EEF1AKMT2: variants seen among roughly 807,000 people sequenced by gnomAD.
EEF1AKMT2 encodes EEF1A lysine methyltransferase 2, also known as eukaryotic translation elongation factor 1 alpha lysine methyltransferase 2.
A neutral mutation model predicts 35.8 loss-of-function variants in EEF1AKMT2; 32 were observed. The ratio of observed to expected loss-of-function variants is 0.89; its 90% CI spans 0.67 to 1.20. The LOEUF (loss-of-function observed/expected upper bound fraction) is 1.20, where lower values mean the gene tolerates loss of function less well. Among genes scored for constraint, EEF1AKMT2 ranks in the 50% most tolerant of loss-of-function variants. EEF1AKMT2 has a pLI of 0.00. For missense variants in EEF1AKMT2, 330 were observed against 347.5 expected (o/e 0.95, Z 0.40); for synonymous variants, 121 against 133.7 (o/e 0.91, Z 0.65).
intron 3 of EEF1AKMT2, chr10:124,775,042 A>G (rs1247826752): frequency 1.7e-5 from 3 of 178,332 alleles, no homozygotes; most frequent in Non-Finnish European, 3.5e-5. Flanking sequence ...TAATGAAAAT[A>G]TATGTATAAG....
Position 124,791,660 on chromosome 10 carries a change from T to C in EEF1AKMT2, c.110+64A>G. On this transcript the variant is annotated intron_variant, in intron 1 of 6. Transcript: ENST00000368836. ...TGAGCCCCGGGTCTCCACCCCGCCG[T>C]CCCCTTCTCGGGGCCCAGGCAGGGC... The C allele has an allele frequency of 2.6e-6, 4 of 1,536,986 alleles. No individual in the cohort carries two copies. In the South Asian group the frequency reaches 4.8e-5, roughly 18 times the overall value.
intron 3 of EEF1AKMT2, among the ~76,000 whole-genome samples, chr10:124,781,590 C>CAA (rs1322054340): frequency 5.3e-4 from 13 of 24,718 alleles, no homozygotes. Context: ...GACTGTGTCT[C>CAA]AAAAAAAAAA....
chr10:124,762,507 G>A lies in EEF1AKMT2; in HGVS notation c.668C>T (p.Ala223Val), dbSNP rs1383732099. 7 of 1,286,142 alleles carry A rather than the reference G, an allele frequency of 5.4e-6. No homozygotes were observed. The Admixed American group carries it at 1.4e-4, about 26-fold the overall frequency. 79.7% of individuals were successfully genotyped at this position (1,286,142 alleles called of 1,614,324 possible). ...FWLTAALTSW[A>V]QAIFSTSASR... ...GGCTGAAGTGGAAAAGATCGCTTGAGCCCAGGAAGTCAAGGCTGCAGTGAG... is the reference window on the plus strand; with the variant it reads ...GGCTGAAGTGGAAAAGATCGCTTGAACCCAGGAAGTCAAGGCTGCAGTGAG... The change falls in exon 6 of 7, where the codon GCT becomes GTT. Residue 223 changes from alanine to valine, a missense_variant. Ala to Val is a moderately conservative substitution (Grantham distance 64, BLOSUM62 0). Transcript: ENST00000368836.
intron 3 of EEF1AKMT2, among the ~76,000 whole-genome samples, chr10:124,785,016 A>AG (rs1950572616): frequency 6.6e-6 from 1 of 151,662 alleles, no homozygotes; most frequent in South Asian, 2.1e-4. Context: ...TGGGGAGCCA[A>AG]GGGGGGAAAA....
chr10:124,773,694 G>A (rs1164264144), intron 4 of EEF1AKMT2, among the ~76,000 whole-genome samples: 1 of 152,094 alleles, frequency 6.6e-6, no homozygotes, highest in Non-Finnish European at 1.5e-5. Flanking sequence ...CACAGTTCAT[G>A]GCACGCCAAA....
intron 5 of EEF1AKMT2, among the ~76,000 whole-genome samples, chr10:124,763,318 GAA>G (rs1250299707): frequency 6.6e-6 from 1 of 152,046 alleles, no homozygotes; most frequent in Admixed American, 6.6e-5. Context: ...GGGTATCATG[GAA>G]AAAATGCAAG....
intron 5 of EEF1AKMT2, 41 bp from the exon 6 acceptor site, chr10:124,762,599 A>T: frequency 9.6e-7 from 1 of 1,040,052 alleles, no homozygotes; most frequent in Non-Finnish European, 1.2e-6. Context: ...CAAAAACAGA[A>T]ATAAAAATTA....
At position 124,760,317 on chromosome 10, in the gene EEF1AKMT2, C is replaced by T. The variant is rs976161502; in HGVS notation, c.*186G>A. ...TCAACATGTGCATCCTGTGTACTTA[C>T]TAAGCATTTATTTGCACAAGGATTT... On this transcript the variant is annotated 3_prime_UTR_variant, in exon 7 of 7. Transcript: ENST00000368836. The T allele has an allele frequency of 1.3e-6, 1 of 777,558 alleles. No homozygotes were observed. The highest frequency in any genetic ancestry group is 1.7e-5 in the African/African-American group (1 of 57,816). 48.2% of individuals were successfully genotyped at this position (777,558 alleles called of 1,614,324 possible). A position where few individuals can be genotyped will look rare whatever the true frequency, so the allele number is the denominator to read the frequency against.
chr10:124,783,028 T>C (rs1370443519), intron 3 of EEF1AKMT2: 2 of 388,954 alleles, frequency 5.1e-6, no homozygotes, highest in East Asian at 7.3e-5. Flanking sequence ...TGGAAAACAA[T>C]ATAACATGTA....
chr10:124,780,692 G>C (rs923264579), intron 3 of EEF1AKMT2, among the ~76,000 whole-genome samples: 2 of 151,000 alleles, frequency 1.3e-5, no homozygotes, highest in Admixed American at 6.6e-5. Context: ...AAAAAAAATA[G>C]AAAAAACAAA....
rs1459609409 is a variant in EEF1AKMT2, at chr10:124,774,387, A to G, written c.399+288T>C. On this transcript the variant is annotated intron_variant, in intron 4 of 6. Transcript: ENST00000368836. The stretch of plus-strand genomic sequence containing the variant: ...GAGACTCAGTCTCAAAAAAAAAAAA[A>G]AAAAAAAAAAAAAAAAAAAAAAACC... 2.8e-5 allele frequency among the ~76,000 whole-genome samples: 4 copies of G among 142,264 alleles called. 1 individual carries two copies. Among genetic ancestry groups the G allele is most frequent in the African/African-American group, 1.1e-4 (4 of 35,588 alleles). The allele number at this position is 142,264 out of a possible 152,430, so 93.3% of individuals were successfully genotyped here. A position where few individuals can be genotyped will look rare whatever the true frequency, so the allele number is the denominator to read the frequency against.
At chr10:124,787,792 C>T (rs1950600024) in intron 3 of EEF1AKMT2, among the ~76,000 whole-genome samples, 1 of 150,986 alleles carries the variant, frequency 6.6e-6, no homozygotes, top group Non-Finnish European at 1.5e-5. Flanking sequence ...AGGGGAATTT[C>T]TAGAGTTCTA....
chr10:124,761,561 AAAATCCTAGGTTC>A (rs1950331353), intron 6 of EEF1AKMT2, among the ~76,000 whole-genome samples: 2 of 152,218 alleles, frequency 1.3e-5, no homozygotes, highest in Non-Finnish European at 2.9e-5. Flanking sequence ...CTTGGCGTCT[AAAATCCTAGGTTC>A]AAATCCTAGG....
At chr10:124,791,272 G>A (rs1950631951) in intron 1 of EEF1AKMT2, among the ~76,000 whole-genome samples, 1 of 151,720 alleles carries the variant, frequency 6.6e-6, no homozygotes, top group African/African-American at 2.4e-5. Flanking sequence ...CCCCGCTCCC[G>A]CCTCGGGTCA....
intron 3 of EEF1AKMT2, among the ~76,000 whole-genome samples, chr10:124,778,287 CA>C (rs1371962821): frequency 1.3e-5 from 2 of 151,912 alleles, no homozygotes; most frequent in Non-Finnish European, 2.9e-5. Flanking sequence ...GAGAATAGGG[CA>C]GAAGAAAAAA....
intron 4 of EEF1AKMT2, among the ~76,000 whole-genome samples, chr10:124,767,620 G>T (rs907863678): frequency 6.6e-6 from 1 of 152,058 alleles, no homozygotes; most frequent in Non-Finnish European, 1.5e-5. Context: ...CAGATAAAGT[G>T]CCATGAAGAA....
intron 4 of EEF1AKMT2, among the ~76,000 whole-genome samples, chr10:124,770,701 T>C (rs1008250413): frequency 2.0e-5 from 3 of 152,264 alleles, no homozygotes; most frequent in South Asian, 2.1e-4. Flanking sequence ...TCCTTCGATA[T>C]TGGAGGCAAT....
At chr10:124,767,786 G>A (rs371065549) in intron 4 of EEF1AKMT2, among the ~76,000 whole-genome samples, 43 of 151,976 alleles carry the variant, frequency 2.8e-4, no homozygotes, top group African/African-American at 9.9e-4. Flanking sequence ...AGGAGTTCGA[G>A]ACCAGCCTGA....
intron 4 of EEF1AKMT2, among the ~76,000 whole-genome samples, chr10:124,769,467 T>C (rs1489100403): frequency 2.0e-5 from 3 of 151,818 alleles, no homozygotes; most frequent in Non-Finnish European, 4.4e-5. Context: ...AATGGAAGTT[T>C]TGAACAGGCA....
Sources: gnomAD v4.1 joint callset for allele counts (sites outside exome capture counted in the v4.1 genomes callset) on GRCh38, gnomAD v4.1.1 for gene constraint, MANE v1.5 for transcripts, NCBI Gene and HGNC (gene_info 2026-07-23, HGNC 2026-07-21) for gene names.